The following FSHR variants were observed in gnomAD, a reference collection of about 807,000 sequenced individuals.
The protein encoded by FSHR is follicle stimulating hormone receptor.
Under a neutral mutation model 52.1 loss-of-function variants are expected in FSHR, and 46 were observed. That is an observed-to-expected ratio of 0.88 (90% confidence interval 0.70 to 1.13). The LOEUF is 1.13. FSHR is among the 50% of genes most tolerant of loss of function. FSHR has a pLI of 0.00. For synonymous variants in FSHR, 399 were observed against 309.6 expected (o/e 1.29, Z -3.03); for missense variants, 964 against 834.6 (o/e 1.16, Z -1.91).
chr2:49,048,007 T>A (rs953690724), intron 2 of FSHR, among the ~76,000 whole-genome samples: 8 of 152,240 alleles, frequency 5.3e-5, no homozygotes, highest in Non-Finnish European at 1.0e-4. Flanking sequence ...GCCTCCCAAG[T>A]AATTGGGTTT....
chr2:48,972,186 T>A (rs543830911), intron 8 of FSHR, among the ~76,000 whole-genome samples: 5 of 152,328 alleles, frequency 3.3e-5, no homozygotes, highest in Non-Finnish European at 4.4e-5. Context: ...ATGCAAAAAC[T>A]TTGATGCCTA....
chr2:49,104,184 G>A (rs1304085575), intron 1 of FSHR, among the ~76,000 whole-genome samples: 3 of 152,072 alleles, frequency 2.0e-5, no homozygotes, highest in African/African-American at 7.2e-5. Context: ...ATGGCCTTGG[G>A]AAGAAAACGG....
At chr2:49,017,645 T>A in intron 3 of FSHR, 82 bp from the exon 4 acceptor site, 2 of 996,454 alleles carry the variant, frequency 2.0e-6, no homozygotes, top group Non-Finnish European at 3.2e-6. Flanking sequence ...GAGTACATAA[T>A]AAATCATTCA....
chr2:49,114,863 T>C (rs1369985751), intron 1 of FSHR, among the ~76,000 whole-genome samples: 3 of 151,900 alleles, frequency 2.0e-5, no homozygotes, highest in East Asian at 1.9e-4. Flanking sequence ...TCATACAACC[T>C]TTGTGGTAGA....
intron 9 of FSHR, among the ~76,000 whole-genome samples, chr2:48,964,593 G>A (rs1198836041): frequency 6.6e-6 from 1 of 152,160 alleles, no homozygotes; most frequent in Non-Finnish European, 1.5e-5. Context: ...ATAGGCCTCA[G>A]CATGTGCTTG....
intron 1 of FSHR, among the ~76,000 whole-genome samples, chr2:49,104,088 A>G (rs1273835267): frequency 6.6e-6 from 1 of 152,076 alleles, no homozygotes; most frequent in Non-Finnish European, 1.5e-5. Flanking sequence ...CAGTAAGAGT[A>G]TAGGAAAGGT....
chr2:49,129,637 G>A (rs906550607), intron 1 of FSHR, among the ~76,000 whole-genome samples: 1 of 152,144 alleles, frequency 6.6e-6, no homozygotes, highest in African/African-American at 2.4e-5. Context: ...GTCCATCACT[G>A]ACTGGGGGCT....
intron 2 of FSHR, among the ~76,000 whole-genome samples, chr2:49,038,853 A>C (rs1054468765): frequency 6.6e-6 from 1 of 152,070 alleles, no homozygotes; most frequent in Non-Finnish European, 1.5e-5. Flanking sequence ...TTATAAAGTA[A>C]CTATAACATA....
At chr2:49,010,813 C>T (rs1421254988) in intron 4 of FSHR, among the ~76,000 whole-genome samples, 16 of 152,130 alleles carry the variant, frequency 1.1e-4, no homozygotes, top group African/African-American at 3.1e-4. Context: ...AGTTTATTTG[C>T]GTAGAGGTGT....
chr2:49,022,695 G>T (rs150844547), intron 2 of FSHR, among the ~76,000 whole-genome samples: 254 of 152,200 alleles, frequency 1.7e-3, no homozygotes, highest in Non-Finnish European at 2.9e-3. Context: ...TGCCTCCCGT[G>T]CCATATTGAG....
Position 48,962,781 on chromosome 2 carries a change from A to G in FSHR, c.2040T>C (p.Ser680=). ...GHCSSAPRVT[S]GSTYILVPLS... ...GAGGGACAAGTATGTAAGTGGAACC[A>G]CTGGTGACTCTGGGAGCTGAAGAGC... The change falls in exon 10 of 10, where the codon AGT becomes AGC. Residue 680 remains serine, a synonymous_variant. Coordinates refer to ENST00000406846, the MANE Select transcript of FSHR (RefSeq NM_000145.4). The G allele has an allele frequency of 3.7e-6, 6 of 1,614,084 alleles. No individual in the cohort carries two copies. The highest frequency in any genetic ancestry group is 5.1e-6 in the Non-Finnish European group (6 of 1,179,968).
chr2:49,051,111 A>G (rs1668841275), intron 2 of FSHR, among the ~76,000 whole-genome samples: 2 of 152,146 alleles, frequency 1.3e-5, no homozygotes, highest in African/African-American at 4.8e-5. Context: ...TGTGGATATC[A>G]TACCATTTGT....
chr2:49,005,489 A>C (rs1430717131), intron 4 of FSHR, among the ~76,000 whole-genome samples: 2 of 152,100 alleles, frequency 1.3e-5, no homozygotes, highest in African/African-American at 4.8e-5. Context: ...ATGGCTAATA[A>C]TTTCTTCACT....
In FSHR at chr2:49,069,960, T is replaced by C. The variant is rs148576760; in HGVS notation, c.153-1670A>G. Among the ~76,000 whole-genome samples, 953 of 152,294 alleles carry C rather than the reference T, an allele frequency of 6.3e-3. 4 individuals carry two copies. Among genetic ancestry groups the C allele is most frequent in the Non-Finnish European group, 0.01 (684 of 68,024 alleles). The stretch of plus-strand genomic sequence containing the variant: ...GTGTTAGTGAAATTTCTGTTTCAGA[T>C]AGAGCTGCTACTCAGGCAATCAGGT... On this transcript the variant is annotated intron_variant, in intron 1 of 9. Transcript: ENST00000406846.
At chr2:48,975,860 T>G (rs540425508) in intron 8 of FSHR, among the ~76,000 whole-genome samples, 1 of 152,362 alleles carries the variant, frequency 6.6e-6, no homozygotes, top group South Asian at 2.1e-4. Flanking sequence ...TTTGCTGAAG[T>G]TGCTTATCAG....
chr2:48,971,152 C>T, intron 8 of FSHR, among the ~76,000 whole-genome samples: 1 of 152,134 alleles, frequency 6.6e-6, no homozygotes, highest in Non-Finnish European at 1.5e-5. Context: ...TCATTTGCCT[C>T]TTTTCTCCCA....
chr2:48,999,843 G>T (rs2104140027), intron 4 of FSHR, among the ~76,000 whole-genome samples: 1 of 152,190 alleles, frequency 6.6e-6, no homozygotes, highest in Middle Eastern at 3.4e-3. Flanking sequence ...ACTGACTTTG[G>T]ACTCCCACAT....
chr2:49,066,948 C>A lies in FSHR; in HGVS notation c.224+1271G>T, dbSNP rs548587043. Among the ~76,000 whole-genome samples the A allele has an allele frequency of 7.2e-5, 11 of 152,118 alleles. No homozygotes were observed. In the South Asian group the frequency reaches 1.5e-3, roughly 20 times the overall value. ...TAAAGCTCTCCCACTCTACTGTCTCCCTGGTTTCCTTTGTGAACTCTGTTC... is the reference window on the plus strand; with the variant it reads ...TAAAGCTCTCCCACTCTACTGTCTCACTGGTTTCCTTTGTGAACTCTGTTC... On this transcript the variant is annotated intron_variant, in intron 2 of 9. Coordinates refer to ENST00000406846, the MANE Select transcript of FSHR (RefSeq NM_000145.4).
intron 2 of FSHR, among the ~76,000 whole-genome samples, chr2:49,040,712 G>T (rs1668451698): frequency 1.3e-5 from 2 of 152,230 alleles, no homozygotes; most frequent in African/African-American, 4.8e-5. Context: ...CCTGGCAGCA[G>T]GGAGGGTCCT....
Sources: allele counts gnomAD v4.1 joint callset (sites outside exome capture counted in the v4.1 genomes callset), GRCh38; gene constraint gnomAD v4.1.1; transcripts MANE v1.5; gene names NCBI Gene and HGNC (gene_info 2026-07-23, HGNC 2026-07-21).